Variants in ARSG observed in about 807,000 individuals in gnomAD.
The protein encoded by ARSG is arylsulfatase G.
A neutral mutation model predicts 50.5 loss-of-function variants in ARSG; 37 were observed. The ratio of observed to expected loss-of-function variants is 0.73; its 90% CI spans 0.56 to 0.96. The LOEUF is 0.96. Among genes scored for constraint, ARSG ranks in the 50% least tolerant of loss-of-function variants. The pLI is 0.00. For synonymous variants in ARSG, 225 were observed against 254.6 expected (o/e 0.88, Z 1.11); for missense variants, 629 against 675.3 (o/e 0.93, Z 0.76).
At chr17:68,436,531 C>T in the ARSG span, 1 of 1,559,708 alleles carries the variant, frequency 6.4e-7, no homozygotes, top group Non-Finnish European at 8.8e-7. Context: ...GGAGAGATTG[C>T]ACGGCTGGAG....
chr17:68,355,764 T>G (rs1326259756), intron 5 of ARSG, among the ~76,000 whole-genome samples: 1 of 151,980 alleles, frequency 6.6e-6, no homozygotes, highest in Non-Finnish European at 1.5e-5. Flanking sequence ...TTTTTTTTTT[T>G]CCAGGAGATG....
chr17:68,370,707 G>GA (rs2079797019), intron 8 of ARSG, among the ~76,000 whole-genome samples, 183 bp downstream of exon 8: 2 of 152,148 alleles, frequency 1.3e-5, no homozygotes, highest in South Asian at 4.1e-4. Flanking sequence ...TAGTGGTGGA[G>GA]AAAACGACTG....
At chr17:68,450,589 G>A in the ARSG span, 54 of 1,161,574 alleles carry the variant, frequency 4.6e-5, no homozygotes, top group South Asian at 4.1e-4. Context: ...CAATACCCCC[G>A]GGACACGGGG....
Position 68,329,602 on chromosome 17 carries a change from C to T in ARSG, c.219-14002C>T, listed in dbSNP as rs541951247. The stretch of plus-strand genomic sequence containing the variant: ...GGTTCATTTGGGCCTAACTGTGCTC[C>T]AGCTCCCCTGCTGGGAGGCTGTGAT... On this transcript the variant is annotated intron_variant, in intron 2 of 11. Transcript: ENST00000621439. Among the ~76,000 whole-genome samples, 5 of 152,260 alleles carry T rather than the reference C, an allele frequency of 3.3e-5. No individual in the cohort carries two copies. The South Asian group carries it at 1.0e-3, about 32-fold the overall frequency.
intron 1 of ARSG, chr17:68,270,811 G>T: frequency 6.5e-7 from 1 of 1,544,554 alleles, no homozygotes; most frequent in Non-Finnish European, 8.8e-7. Context: ...AAGTAGACAA[G>T]TGTTTGTATT....
intron 1 of ARSG, among the ~76,000 whole-genome samples, chr17:68,280,349 A>G (rs1382697572): frequency 6.6e-6 from 1 of 152,176 alleles, no homozygotes; most frequent in Non-Finnish European, 1.5e-5. Context: ...CCTGAAAAAA[A>G]GAACAAAGCT....
chr17:68,270,365 C>A (rs577656231), intron 1 of ARSG, among the ~76,000 whole-genome samples: 1 of 152,018 alleles, frequency 6.6e-6, no homozygotes, highest in Non-Finnish European at 1.5e-5. Context: ...ACCATCCTGG[C>A]CAACATGGTG....
the ARSG span, among the ~76,000 whole-genome samples, chr17:68,434,003 C>T: frequency 5.3e-5 from 8 of 151,784 alleles, no homozygotes; most frequent in African/African-American, 1.9e-4. Flanking sequence ...GGCTGGTCCT[C>T]AGGTGATCTG....
chr17:68,266,843 A>G (rs1417890435), intron 1 of ARSG, among the ~76,000 whole-genome samples: 3 of 152,098 alleles, frequency 2.0e-5, no homozygotes, highest in Non-Finnish European at 2.9e-5. Flanking sequence ...TAAGTAAATA[A>G]AAAGTTCAGT....
At chr17:68,325,383 A>G (rs1478989841) in intron 2 of ARSG, among the ~76,000 whole-genome samples, 1 of 152,120 alleles carries the variant, frequency 6.6e-6, no homozygotes, top group African/African-American at 2.4e-5. Flanking sequence ...CTTGTTCTAC[A>G]TTATGGTGAG....
chr17:68,291,995 G>T (rs1195234342), intron 1 of ARSG, among the ~76,000 whole-genome samples: 1 of 151,988 alleles, frequency 6.6e-6, no homozygotes, highest in African/African-American at 2.4e-5. Flanking sequence ...CGGCGCCTGA[G>T]TTCCTCCTGC....
intron 11 of ARSG, among the ~76,000 whole-genome samples, chr17:68,418,168 G>A (rs75150084): frequency 6.6e-6 from 1 of 152,164 alleles, no homozygotes; most frequent in South Asian, 2.1e-4. Flanking sequence ...GACATTGTTG[G>A]TGATGCATTG....
At chr17:68,358,906 G>A (rs2079156828) in intron 6 of ARSG, among the ~76,000 whole-genome samples, 1 of 152,136 alleles carries the variant, frequency 6.6e-6, no homozygotes, top group South Asian at 2.1e-4. Context: ...GCTCACGCCT[G>A]TAATCCCAGC....
intron 9 of ARSG, among the ~76,000 whole-genome samples, chr17:68,385,390 G>C (rs1426902559): frequency 6.6e-6 from 1 of 151,858 alleles, no homozygotes; most frequent in African/African-American, 2.4e-5. Context: ...GGGGCCACGT[G>C]TGGAGGCTCG....
chr17:68,326,374 AAAAAC>A (rs2077504034), intron 2 of ARSG, among the ~76,000 whole-genome samples: 1 of 152,196 alleles, frequency 6.6e-6, no homozygotes, highest in South Asian at 2.1e-4. Context: ...GTGTTCTAGA[AAAAAC>A]AACTCAGCCT....
At chr17:68,359,764 C>T (rs1042208032) in intron 6 of ARSG, 2 of 152,128 alleles carry the variant, frequency 1.3e-5, no homozygotes, top group African/African-American at 4.8e-5. Flanking sequence ...GTAATAAAAC[C>T]TATTTAAGGA....
intron 6 of ARSG, among the ~76,000 whole-genome samples, chr17:68,362,529 CT>C (rs1418842619): frequency 1.3e-5 from 2 of 152,154 alleles, no homozygotes; most frequent in Non-Finnish European, 2.9e-5. Flanking sequence ...TTTGGTTCCC[CT>C]GTTACACCTT....
the ARSG span, among the ~76,000 whole-genome samples, chr17:68,436,694 C>T: frequency 6.6e-6 from 1 of 152,182 alleles, no homozygotes; most frequent in Non-Finnish European, 1.5e-5. Context: ...ACACTGGCTG[C>T]GTCCTTGCTA....
At chr17:68,385,216 G>A (rs1478715296) in intron 9 of ARSG, 44 bp downstream of exon 9, 1 of 1,575,086 alleles carries the variant, frequency 6.3e-7, no homozygotes, top group African/African-American at 1.3e-5. Context: ...CCCAGAGCAA[G>A]AAAAGTCATG....
Sources: gnomAD v4.1 joint callset for allele counts (sites outside exome capture counted in the v4.1 genomes callset) on GRCh38, gnomAD v4.1.1 for gene constraint, MANE v1.5 for transcripts, NCBI Gene and HGNC (gene_info 2026-07-23, HGNC 2026-07-21) for gene names.